The following EID2B variants were observed in gnomAD, a reference collection of about 807,000 sequenced individuals.
The protein encoded by EID2B is EP300-interacting inhibitor of differentiation 2B.
A neutral mutation model predicts 5.9 loss-of-function variants in EID2B; 6 were observed. That is an observed-to-expected ratio of 1.01 (90% CI 0.55 to 2.00). EID2B has a LOEUF of 2.00. Among genes scored for constraint, EID2B ranks in the 30% most tolerant of loss-of-function variants. The probability of loss-of-function intolerance (pLI) is 0.00; values close to 1 mark genes in which losing one functional copy is unlikely to be tolerated. For missense variants in EID2B, 234 were observed against 228.1 expected (o/e 1.03, Z -0.17); for synonymous variants, 94 against 104.2 (o/e 0.90, Z 0.60).
chr19:39,532,325 C>T lies in EID2B; in HGVS notation c.478G>A (p.Ala160Thr), dbSNP rs1971971995. The T allele has an allele frequency of 6.2e-7, 1 of 1,612,550 alleles. No homozygotes were observed. The highest frequency in any genetic ancestry group is 8.5e-7 in the Non-Finnish European group (1 of 1,178,768). Residue 160 changes from alanine to threonine, a missense_variant, in exon 1 of 1, where the codon GCC becomes ACC. Ala to Thr is a moderately conservative substitution (Grantham distance 58). Coordinates refer to ENST00000326282, the MANE Select transcript of EID2B (RefSeq NM_152361.3). ...TCATCATCACAGCCGACTCAGTCGG[C>T]CAGAGGACTGAGGGCCTCGGAGGCA... is the stretch of plus-strand genomic sequence containing the variant. ...LTASEALSPL[A>T]D
In EID2B at chr19:39,532,822, A is replaced by G. The variant is rs1403217654; in HGVS notation, c.-20T>C. 1 of 1,605,534 alleles carries G rather than the reference A, an allele frequency of 6.2e-7. No homozygotes were observed. The highest frequency in any genetic ancestry group is 1.7e-5 in the Admixed American group (1 of 59,828). ...CGCCATAGTCCCAGCGTTTCTACGGAGACTGGAATAACGGCACTGCACTGC... is the reference window on the plus strand; with the variant it reads ...CGCCATAGTCCCAGCGTTTCTACGGGGACTGGAATAACGGCACTGCACTGC... On this transcript the variant is annotated 5_prime_UTR_variant, in exon 1 of 1. Transcript: ENST00000326282.
rs772808497 is a variant in EID2B at position 39,532,207 on chromosome 19, C to T, written c.*110G>A. ...CATTGCCGTATTCCCTTCCAGTTTG[C>T]ATTCCCCCTAATGACTGAGTTAACT... On this transcript the variant is annotated 3_prime_UTR_variant, in exon 1 of 1. Coordinates refer to ENST00000326282, the MANE Select transcript of EID2B (RefSeq NM_152361.3). The T allele has an allele frequency of 3.0e-6, 4 of 1,354,562 alleles. No homozygotes were observed. Among genetic ancestry groups the T allele is most frequent in the Non-Finnish European group, 4.0e-6 (4 of 998,278 alleles). 83.9% of individuals were successfully genotyped at this position (1,354,562 alleles called of 1,614,324 possible).
rs756595643 is a variant in EID2B at position 39,532,836 on chromosome 19, G to A, written c.-34C>T. On this transcript the variant is annotated 5_prime_UTR_variant, in exon 1 of 1. Transcript: ENST00000326282. Reference sequence around the variant, plus strand: ...CGTTTCTACGGAGACTGGAATAACGGCACTGCACTGCTGTATGCGAGACCT... The same window carrying A: ...CGTTTCTACGGAGACTGGAATAACGACACTGCACTGCTGTATGCGAGACCT... 1.2e-6 allele frequency: 2 copies of A among 1,601,652 alleles called. No homozygotes were observed. The highest frequency in any genetic ancestry group is 2.2e-5 in the South Asian group (2 of 90,848).
In EID2B at chr19:39,532,540, A is replaced by G; in HGVS notation, c.263T>C (p.Leu88Ser). 6.2e-7 allele frequency: 1 copy of G among 1,614,068 alleles called. No homozygotes were observed. Among genetic ancestry groups the G allele is most frequent in the Non-Finnish European group, 8.5e-7 (1 of 1,180,002 alleles). The stretch of plus-strand genomic sequence containing the variant: ...GAACAACAGCTGCCGGTTAATTTCT[A>G]AGAAAGCGAGCTGCTGATGGGGGTC... ...APDPHQQLAF[L>S]EINRQLLFRE... Residue 88 changes from leucine (L) to serine (S), a missense_variant, in exon 1 of 1, where the codon TTA (leucine) becomes TCA (serine). Physicochemically the swap from Leu to Ser is moderately radical, Grantham distance 145. Transcript: ENST00000326282.
rs770572087 is a variant in EID2B at position 39,532,282 on chromosome 19, T to A, written c.*35A>T. 4.3e-5 allele frequency: 69 copies of A among 1,598,192 alleles called. 1 individual carries two copies. The South Asian group carries it at 7.4e-4, about 17-fold the overall frequency. The stretch of plus-strand genomic sequence containing the variant: ...TTTGATCCCAAAAGGGTCACTTGGC[T>A]ATTCCTTGCCACCAATGTCATCATC... On this transcript the variant is annotated 3_prime_UTR_variant, in exon 1 of 1. Coordinates refer to ENST00000326282, the MANE Select transcript of EID2B (RefSeq NM_152361.3).
Position 39,532,406 on chromosome 19 carries a change from C to T in EID2B, c.397G>A (p.Asp133Asn). 4 of 1,614,216 alleles carry T rather than the reference C, an allele frequency of 2.5e-6. No homozygotes were observed. Among genetic ancestry groups the T allele is most frequent in the Non-Finnish European group, 3.4e-6 (4 of 1,180,054 alleles). Residue 133 changes from aspartate (D) to asparagine (N), a missense_variant, in exon 1 of 1, where the codon GAC becomes AAC. By Grantham distance (23) the Asp-to-Asn change is conservative. Transcript: ENST00000326282. ...AAGTCCATCTGCGGGGGATCCGCGT[C>T]AAAGGCTGCTTCCCTCGCCTTGCAG... ...EGCKAREAAF[D>N]ADPPQMDFAA...
rs1378085086 is a variant in EID2B at position 39,531,569 on chromosome 19, C to A, written c.*748G>T. 6.6e-6 allele frequency: 1 copy of A among 152,214 alleles called. No homozygotes were observed. The highest frequency in any genetic ancestry group is 1.5e-5 in the Non-Finnish European group (1 of 68,030). 9.4% of individuals were successfully genotyped at this position (152,214 alleles called of 1,614,324 possible). A position where few individuals can be genotyped will look rare whatever the true frequency, so the allele number is the denominator to read the frequency against. On this transcript the variant is annotated 3_prime_UTR_variant, in exon 1 of 1. Transcript: ENST00000326282. ...AAAAAACAAGTTTATTCCACACCTA[C>A]CCAATTTCACATAGACTTGAAAACA...
chr19:39,532,447 C>T lies in EID2B; in HGVS notation c.356G>A (p.Arg119Lys), dbSNP rs147961394. The T allele has an allele frequency of 1.8e-5, 29 of 1,614,086 alleles. No homozygotes were observed. In the Admixed American group the frequency reaches 3.7e-4, roughly 20 times the overall value. The stretch of plus-strand genomic sequence containing the variant: ...CGCCTTGCAGCCTTCCACAAACAGC[C>T]TGCGGCGTTCCTCGAAATCCCGTAG... ...RLLRDFEERRRLFVEGCKARE... is the reference protein window; with the variant it reads ...RLLRDFEERRKLFVEGCKARE... Residue 119 changes from arginine to lysine, a missense_variant, in exon 1 of 1, where the codon AGG (arginine) becomes AAG (lysine). By Grantham distance (26) the Arg-to-Lys change is conservative. Transcript: ENST00000326282.
In EID2B at chr19:39,532,552, TGCTGATGGGGGTCTGG is replaced by T; in HGVS notation, c.235_250del (p.Pro79SerfsTer5). On this transcript the variant is annotated frameshift_variant, in exon 1 of 1. Transcript: ENST00000326282. LOFTEE classifies it high-confidence loss of function. ...CCGGTTAATTTCTAAGAAAGCGAGC[TGCTGATGGGGGTCTGG>T]CGCGGAGGCCAGGCCCGGGACGCTG... is the stretch of plus-strand genomic sequence containing the variant. 6.2e-7 allele frequency: 1 copy of T among 1,613,926 alleles called. No individual in the cohort carries two copies. The highest frequency in any genetic ancestry group is 8.5e-7 in the Non-Finnish European group (1 of 1,179,972).
In EID2B at chr19:39,532,329, A is replaced by T. The variant is rs1350084200; in HGVS notation, c.474T>A (p.Pro158=). 1 of 1,612,556 alleles carries T rather than the reference A, an allele frequency of 6.2e-7. No individual in the cohort carries two copies. Among genetic ancestry groups the T allele is most frequent in the East Asian group, 2.2e-5 (1 of 44,826 alleles). Residue 158 remains proline (P), a synonymous_variant, in exon 1 of 1, where the codon CCT becomes CCA. Transcript: ENST00000326282. The stretch of plus-strand genomic sequence containing the variant: ...CATCACAGCCGACTCAGTCGGCCAG[A>T]GGACTGAGGGCCTCGGAGGCAGTCA... The part of the protein sequence containing the change: ...VALTASEALS[P]LAD
Position 39,532,255 on chromosome 19 carries a change from CT to C in EID2B, c.*61del. 6.4e-7 allele frequency: 1 copy of C among 1,566,424 alleles called. No homozygotes were observed. Among genetic ancestry groups the C allele is most frequent in the South Asian group, 1.2e-5 (1 of 83,936 alleles). ...ACTAAACTGGCACAGCCTGCCTGTT[CT>C]TTTGATCCCAAAAGGGTCACTTGGC... is the stretch of plus-strand genomic sequence containing the variant. On this transcript the variant is annotated 3_prime_UTR_variant, in exon 1 of 1. Transcript: ENST00000326282.
chr19:39,532,358 C>T lies in EID2B; in HGVS notation c.445G>A (p.Ala149Thr), dbSNP rs765575899. The T allele has an allele frequency of 2.2e-5, 36 of 1,614,108 alleles. No homozygotes were observed. The highest frequency in any genetic ancestry group is 3.3e-5 in the Admixed American group (2 of 60,028). The change falls in exon 1 of 1, where the codon GCG (alanine) becomes ACG (threonine). Residue 149 changes from alanine to threonine, a missense_variant. Physicochemically the swap from Ala to Thr is moderately conservative, Grantham distance 58. Coordinates refer to ENST00000326282, the MANE Select transcript of EID2B (RefSeq NM_152361.3). ...MDFAAVAFTV[A>T]LTASEALSPL... Reference sequence around the variant, plus strand: ...CTGAGGGCCTCGGAGGCAGTCAGCGCTACCGTAAACGCGACAGCAGCGAAG... The same window carrying T: ...CTGAGGGCCTCGGAGGCAGTCAGCGTTACCGTAAACGCGACAGCAGCGAAG...
rs1483075120 is a variant in EID2B at position 39,532,483 on chromosome 19, G to C, written c.320C>G (p.Pro107Arg). Residue 107 changes from proline (P) to arginine (R), a missense_variant, in exon 1 of 1, where the codon CCG (proline) becomes CGG (arginine). Physicochemically the swap from Pro to Arg is moderately radical, Grantham distance 103 (BLOSUM62 -2). Coordinates refer to ENST00000326282, the MANE Select transcript of EID2B (RefSeq NM_152361.3). ...CTCGAAATCCCGTAGTAATCTGACC[G>C]GAATCATGGAGCTACCATCCAGATA... ...REYLDGSSMI[P>R]VRLLRDFEER... is the part of the protein sequence containing the mutation. The C allele has an allele frequency of 6.2e-7, 1 of 1,614,184 alleles. No individual in the cohort carries two copies.
Position 39,532,676 on chromosome 19 carries a change from G to A in EID2B, c.127C>T (p.Gln43Ter). ...RGAVGGGVRV[Q>*]EAREGPVAEA... The stretch of plus-strand genomic sequence containing the variant: ...GCCACTGGGCCTTCCCGAGCCTCCT[G>A]CACCCGAACCCCGCCGCCGACTGCC... Residue 43 changes from glutamine (Q) to a stop codon, truncating the protein, a stop_gained, in exon 1 of 1, where the codon CAG becomes TAG. Transcript: ENST00000326282. LOFTEE classifies it high-confidence loss of function. The A allele has an allele frequency of 6.2e-7, 1 of 1,607,240 alleles. No individual in the cohort carries two copies. Among genetic ancestry groups the A allele is most frequent in the Non-Finnish European group, 8.5e-7 (1 of 1,177,426 alleles).
chr19:39,532,821 G>T lies in EID2B; in HGVS notation c.-19C>A. ...CCGCCATAGTCCCAGCGTTTCTACG[G>T]AGACTGGAATAACGGCACTGCACTG... On this transcript the variant is annotated 5_prime_UTR_variant, in exon 1 of 1. Transcript: ENST00000326282. 3 of 1,605,992 alleles carry T rather than the reference G, an allele frequency of 1.9e-6. No homozygotes were observed. The highest frequency in any genetic ancestry group is 2.5e-6 in the Non-Finnish European group (3 of 1,179,790).
chr19:39,532,057 C>A lies in EID2B; in HGVS notation c.*260G>T, dbSNP rs1291558811. On this transcript the variant is annotated 3_prime_UTR_variant, in exon 1 of 1. Transcript: ENST00000326282. ...GGAGGATCGCTCGGGTCCAAGCGTT[C>A]GGGACCAGCCTAGGGATGCGAGACT... 4.4e-6 allele frequency: 2 copies of A among 450,128 alleles called. No individual in the cohort carries two copies. Among genetic ancestry groups the A allele is most frequent in the Non-Finnish European group, 7.8e-6 (2 of 255,948 alleles). The allele number at this position is 450,128 out of a possible 1,614,324, so 27.9% of individuals were successfully genotyped here. A position where few individuals can be genotyped will look rare whatever the true frequency, so the allele number is the denominator to read the frequency against.
In EID2B at chr19:39,532,803, A is replaced by C; in HGVS notation, c.-1T>G. On this transcript the variant is annotated 5_prime_UTR_variant, in exon 1 of 1. Transcript: ENST00000326282. ...CCAACAGCCCAGTCGGCTCCGCCAT[A>C]GTCCCAGCGTTTCTACGGAGACTGG... 2 of 1,609,142 alleles carry C rather than the reference A, an allele frequency of 1.2e-6. No homozygotes were observed. The highest frequency in any genetic ancestry group is 1.7e-6 in the Non-Finnish European group (2 of 1,179,878).
chr19:39,532,243 A>T lies in EID2B; in HGVS notation c.*74T>A. On this transcript the variant is annotated 3_prime_UTR_variant, in exon 1 of 1. Coordinates refer to ENST00000326282, the MANE Select transcript of EID2B (RefSeq NM_152361.3). Reference sequence around the variant, plus strand: ...ATGACTGAGTTAACTAAACTGGCACAGCCTGCCTGTTCTTTTGATCCCAAA... The same window carrying T: ...ATGACTGAGTTAACTAAACTGGCACTGCCTGCCTGTTCTTTTGATCCCAAA... 6.5e-7 allele frequency: 1 copy of T among 1,547,104 alleles called. No homozygotes were observed. Among genetic ancestry groups the T allele is most frequent in the Non-Finnish European group, 8.7e-7 (1 of 1,142,948 alleles).
In EID2B at chr19:39,532,312, C is replaced by A. The variant is rs1971971657; in HGVS notation, c.*5G>T. 1 of 1,610,212 alleles carries A rather than the reference C, an allele frequency of 6.2e-7. No homozygotes were observed. ...CTTGCCACCAATGTCATCATCACAG[C>A]CGACTCAGTCGGCCAGAGGACTGAG... On this transcript the variant is annotated 3_prime_UTR_variant, in exon 1 of 1. Transcript: ENST00000326282.
Sources: allele counts gnomAD v4.1 joint callset, GRCh38; gene constraint gnomAD v4.1.1; transcripts MANE v1.5; gene names NCBI Gene and HGNC (gene_info 2026-07-23, HGNC 2026-07-21).